The following THSD7B variants were observed in gnomAD, a reference collection of about 807,000 sequenced individuals.
The protein encoded by THSD7B is thrombospondin type 1 domain containing 7B.
THSD7B carries 138 observed loss-of-function variants against 213.6 expected under a neutral mutation model. The observed-to-expected ratio is 0.65, with a 90% CI of 0.56 to 0.74. THSD7B has a LOEUF of 0.74. Ranked by LOEUF, THSD7B falls within the 30% of genes least tolerant of loss-of-function variation. The pLI is 0.00. For missense variants in THSD7B, 1,931 were observed against 1,991.5 expected (o/e 0.97, Z 0.58); for synonymous variants, 742 against 687.0 (o/e 1.08, Z -1.25).
chr2:136,884,643 A>G (rs568464965), intron 2 of THSD7B, among the ~76,000 whole-genome samples: 1 of 152,306 alleles, frequency 6.6e-6, no homozygotes, highest in African/African-American at 2.4e-5. Flanking sequence ...CACATATTTC[A>G]TGTAAGTGGA....
At position 137,525,412 on chromosome 2, in the gene THSD7B, C is replaced by G. The variant is rs147340257; in HGVS notation, c.3139-37809C>G. 4.8e-3 allele frequency among the ~76,000 whole-genome samples: 728 copies of G among 152,154 alleles called. 4 individuals are homozygous for G. Among genetic ancestry groups the G allele is most frequent in the African/African-American group, 0.017 (695 of 41,506 alleles). On this transcript the variant is annotated intron_variant, in intron 15 of 27. Coordinates refer to ENST00000409968, the MANE Select transcript of THSD7B (RefSeq NM_001316349.2). Reference sequence around the variant, plus strand: ...TTTTGACAGGCAGTTTATGAGCATCCCTTCAGTGTACATTTGATGAGGCAA... The same window carrying G: ...TTTTGACAGGCAGTTTATGAGCATCGCTTCAGTGTACATTTGATGAGGCAA...
chr2:137,404,464 T>TACACAC (rs1316384160), intron 12 of THSD7B, among the ~76,000 whole-genome samples: 111 of 74,310 alleles, frequency 1.5e-3, no homozygotes, highest in Admixed American at 3.0e-3. Flanking sequence ...TATATATATA[T>TACACAC]ATATATATAT....
chr2:137,652,494 T>G (rs1006809582), intron 21 of THSD7B, among the ~76,000 whole-genome samples: 4 of 152,130 alleles, frequency 2.6e-5, no homozygotes, highest in African/African-American at 9.6e-5. Flanking sequence ...TACTTGGGAC[T>G]TGTTCCTTTA....
intron 2 of THSD7B, among the ~76,000 whole-genome samples, chr2:136,959,741 C>G (rs1046551919): frequency 6.6e-5 from 10 of 152,176 alleles, no homozygotes; most frequent in Non-Finnish European, 1.2e-4. Context: ...CACTACTTAT[C>G]TCCATAAATT....
At chr2:137,333,178 G>C (rs754077065) in intron 12 of THSD7B, among the ~76,000 whole-genome samples, 3 of 152,074 alleles carry the variant, frequency 2.0e-5, no homozygotes, top group African/African-American at 7.2e-5. Flanking sequence ...AATCCTGGAC[G>C]TCTAACCCCC....
intron 12 of THSD7B, among the ~76,000 whole-genome samples, chr2:137,283,493 G>A (rs1250981753): frequency 1.3e-5 from 2 of 152,120 alleles, no homozygotes; most frequent in African/African-American, 2.4e-5. Flanking sequence ...CAAAGGGAAT[G>A]CTTCCAGTTT....
intron 7 of THSD7B, among the ~76,000 whole-genome samples, chr2:137,205,373 C>G (rs968900574): frequency 2.6e-5 from 4 of 151,998 alleles, no homozygotes; most frequent in African/African-American, 9.7e-5. Context: ...GAAATTCTTC[C>G]AGTCAACATA....
At chr2:137,575,725 C>T (rs1248219739) in intron 17 of THSD7B, among the ~76,000 whole-genome samples, 13 of 110,858 alleles carry the variant, frequency 1.2e-4, no homozygotes, top group African/African-American at 3.1e-4. Flanking sequence ...CCATAACACA[C>T]ATATATATAT....
chr2:136,876,011 G>A (rs1683522023), intron 1 of THSD7B, among the ~76,000 whole-genome samples: 1 of 152,078 alleles, frequency 6.6e-6, no homozygotes, highest in Admixed American at 6.5e-5. Context: ...CTTCTCTTTA[G>A]TTTTCATGGT....
chr2:137,657,675 T>A (rs1218597415), intron 24 of THSD7B, among the ~76,000 whole-genome samples: 1 of 152,234 alleles, frequency 6.6e-6, no homozygotes, highest in African/African-American at 2.4e-5. Flanking sequence ...TTTTGAATAT[T>A]TTGTGAGTCA....
chr2:137,135,855 A>G (rs1483550291), intron 5 of THSD7B, among the ~76,000 whole-genome samples: 2 of 152,100 alleles, frequency 1.3e-5, no homozygotes, highest in African/African-American at 4.8e-5. Context: ...ACACTAAAAA[A>G]AAAACACCTT....
chr2:136,884,124 T>G (rs1683673481), intron 2 of THSD7B, among the ~76,000 whole-genome samples: 1 of 114,600 alleles, frequency 8.7e-6, no homozygotes, highest in South Asian at 3.5e-4. Flanking sequence ...TGTGTATGAA[T>G]CACACAGAAG....
At chr2:137,166,775 A>C (rs1046085122) in intron 6 of THSD7B, among the ~76,000 whole-genome samples, 2 of 152,218 alleles carry the variant, frequency 1.3e-5, no homozygotes, top group Admixed American at 1.3e-4. Context: ...CTTTCCCTTG[A>C]ATGAGAAGTC....
At chr2:137,593,962 G>C (rs1003603385) in intron 17 of THSD7B, among the ~76,000 whole-genome samples, 1 of 151,914 alleles carries the variant, frequency 6.6e-6, no homozygotes, top group Non-Finnish European at 1.5e-5. Context: ...GAATGGTTTA[G>C]GAATATTTTA....
At chr2:137,061,725 C>T (rs532253195) in intron 3 of THSD7B, among the ~76,000 whole-genome samples, 28 of 151,798 alleles carry the variant, frequency 1.8e-4, no homozygotes, top group South Asian at 6.2e-4. Context: ...TTAGCTGCGA[C>T]GTAAATTCCT....
At position 136,828,020 on chromosome 2, in the gene THSD7B, G is replaced by T. The variant is rs1300045487; in HGVS notation, c.-35-54124G>T. Among the ~76,000 whole-genome samples the T allele has an allele frequency of 2.6e-5, 4 of 152,120 alleles. No individual in the cohort carries two copies. In the East Asian group the frequency reaches 7.8e-4, roughly 30 times the overall value. On this transcript the variant is annotated intron_variant, in intron 1 of 27. Transcript: ENST00000409968. ...CATGGGATATAACCTATGGGCTCCT[G>T]TGTTGATAACATAGGAGCCATGAAG...
chr2:137,162,102 C>A (rs1353738907), intron 6 of THSD7B, among the ~76,000 whole-genome samples: 2 of 152,194 alleles, frequency 1.3e-5, no homozygotes, highest in East Asian at 3.9e-4. Context: ...TGATAACCAG[C>A]CTAAGTCAGA....
In THSD7B at chr2:137,160,280, C is replaced by T. The variant is rs751892896; in HGVS notation, c.1437C>T (p.Ile479=). 6.2e-7 allele frequency: 1 copy of T among 1,613,710 alleles called. No homozygotes were observed. Among genetic ancestry groups the T allele is most frequent in the South Asian group, 1.1e-5 (1 of 91,076 alleles). The stretch of plus-strand genomic sequence containing the variant: ...CGTTGCCCTCTCAGCTCTGCAATAT[C>T]CCTTGCTCTACGGACTGCATAGTAT... ...PAPLPSQLCN[I]PCSTDCIVSS... is the part of the protein sequence containing the mutation. Residue 479 remains isoleucine, a synonymous_variant, in exon 6 of 28, where the codon ATC becomes ATT. Coordinates refer to ENST00000409968, the MANE Select transcript of THSD7B (RefSeq NM_001316349.2).
chr2:137,468,440 T>A (rs1688032654), intron 15 of THSD7B, among the ~76,000 whole-genome samples: 1 of 151,966 alleles, frequency 6.6e-6, no homozygotes, highest in Non-Finnish European at 1.5e-5. Flanking sequence ...GTTTTGCATG[T>A]GTCTCTCCTG....
Sources: gnomAD v4.1 joint callset for allele counts (sites outside exome capture counted in the v4.1 genomes callset) on GRCh38, gnomAD v4.1.1 for gene constraint, MANE v1.5 for transcripts, NCBI Gene and HGNC (gene_info 2026-07-23, HGNC 2026-07-21) for gene names.